SETBP1: variants seen among roughly 807,000 people sequenced by gnomAD.
SETBP1 encodes SET-binding protein.
SETBP1 carries 9 observed loss-of-function variants against 101.0 expected under a neutral mutation model. The observed-to-expected ratio is 0.09, with a 90% confidence interval of 0.05 to 0.16. SETBP1 has a LOEUF of 0.16. SETBP1 is among the 10% of genes least tolerant of loss of function. SETBP1 has a pLI of 1.00. For synonymous variants in SETBP1, 818 were observed against 788.5 expected (o/e 1.04, Z -0.63); for missense variants, 1,858 against 2,033.8 (o/e 0.91, Z 1.66).
chr18:44,727,047 C>T (rs1470475851), intron 2 of SETBP1, among the ~76,000 whole-genome samples: 2 of 152,164 alleles, frequency 1.3e-5, no homozygotes, highest in South Asian at 2.1e-4. Flanking sequence ...AAACATGTTT[C>T]AGTTTTGCTG....
At chr18:44,969,852 C>G (rs567968786) in intron 4 of SETBP1, among the ~76,000 whole-genome samples, 1 of 152,314 alleles carries the variant, frequency 6.6e-6, no homozygotes, top group Admixed American at 6.5e-5. Context: ...TCCACCTACA[C>G]AACACTCCCC....
chr18:44,710,917 GGAA>G, intron 2 of SETBP1, among the ~76,000 whole-genome samples: 1 of 152,306 alleles, frequency 6.6e-6, no homozygotes, highest in Non-Finnish European at 1.5e-5. Flanking sequence ...AGTGGCCAGA[GGAA>G]GAGGCTGCCA....
chr18:44,787,860 C>CAAAAAAAAAAAAAAAAAAAAAAAAA, intron 2 of SETBP1, among the ~76,000 whole-genome samples: 3 of 9,220 alleles, frequency 3.3e-4, no homozygotes, highest in Admixed American at 2.4e-3. Flanking sequence ...GAGTCCGTCT[C>CAAAAAAAAAAAAAAAAAAAAAAAAA]AAAAAAAAAA....
In SETBP1 at chr18:44,701,542, G is replaced by A; in HGVS notation, c.196G>A (p.Gly66Arg). 6.2e-7 allele frequency: 1 copy of A among 1,614,188 alleles called. No homozygotes were observed. Among genetic ancestry groups the A allele is most frequent in the Non-Finnish European group, 8.5e-7 (1 of 1,180,014 alleles). Reference protein sequence around the residue: ...EPEEEDELGSGRDVDSNSNAD... With the variant: ...EPEEEDELGSRRDVDSNSNAD... Reference sequence around the variant, plus strand: ...AGAGGAGGAGGATGAACTAGGCTCAGGGCGGGATGTGGATTCCAACTCCAA... The same window carrying A: ...AGAGGAGGAGGATGAACTAGGCTCAAGGCGGGATGTGGATTCCAACTCCAA... The change falls in exon 2 of 6, where the codon GGG becomes AGG. Residue 66 changes from glycine to arginine, a missense_variant. Transcript: ENST00000649279.
intron 2 of SETBP1, among the ~76,000 whole-genome samples, chr18:44,705,100 T>C (rs1342398023): frequency 6.6e-6 from 1 of 152,234 alleles, no homozygotes; most frequent in Non-Finnish European, 1.5e-5. Flanking sequence ...AACTGTAGCC[T>C]GTGGGCCAAA....
chr18:44,683,298 A>T (rs2068788777), intron 1 of SETBP1, among the ~76,000 whole-genome samples: 1 of 152,208 alleles, frequency 6.6e-6, no homozygotes, highest in African/African-American at 2.4e-5. Flanking sequence ...GCTTCTGGTC[A>T]TGGACTTGCC....
chr18:44,900,012 C>G (rs991046605), intron 3 of SETBP1, among the ~76,000 whole-genome samples: 1 of 152,118 alleles, frequency 6.6e-6, no homozygotes, highest in African/African-American at 2.4e-5. Flanking sequence ...AGTCATAGAT[C>G]ATGCAATAAT....
chr18:44,789,249 G>T (rs775142958), intron 2 of SETBP1, among the ~76,000 whole-genome samples: 2 of 152,164 alleles, frequency 1.3e-5, no homozygotes, highest in African/African-American at 2.4e-5. Context: ...AAATAGCTTT[G>T]TGACCTGAGA....
At chr18:44,720,613 A>G (rs967519278) in intron 2 of SETBP1, among the ~76,000 whole-genome samples, 1 of 152,134 alleles carries the variant, frequency 6.6e-6, no homozygotes, top group African/African-American at 2.4e-5. Flanking sequence ...AGGCCCACGC[A>G]TGGTGCTTAT....
chr18:44,923,922 T>G (rs1221885906), intron 3 of SETBP1, among the ~76,000 whole-genome samples: 6 of 152,084 alleles, frequency 3.9e-5, no homozygotes, highest in Admixed American at 6.6e-5. Flanking sequence ...TGAGCCAGCA[T>G]GGTGGTTGCT....
intron 2 of SETBP1, among the ~76,000 whole-genome samples, chr18:44,826,592 A>C (rs2072244082): frequency 6.6e-6 from 1 of 152,114 alleles, no homozygotes; most frequent in South Asian, 2.1e-4. Flanking sequence ...GAGAGCTAGC[A>C]AGAGCAGGGA....
intron 3 of SETBP1, among the ~76,000 whole-genome samples, chr18:44,899,637 G>A (rs1440812030): frequency 6.6e-6 from 1 of 152,072 alleles, no homozygotes; most frequent in Non-Finnish European, 1.5e-5. Context: ...CTTGGTTTTT[G>A]CTATCTGAAA....
intron 2 of SETBP1, among the ~76,000 whole-genome samples, chr18:44,825,389 A>C (rs545245445): frequency 2.3e-4 from 35 of 152,368 alleles, no homozygotes; most frequent in Non-Finnish European, 4.0e-4. Context: ...AACCGAGAGC[A>C]CAGGTTTATC....
At chr18:44,785,675 A>G (rs2071225548) in intron 2 of SETBP1, among the ~76,000 whole-genome samples, 2 of 152,178 alleles carry the variant, frequency 1.3e-5, no homozygotes, top group South Asian at 4.1e-4. Flanking sequence ...CCATTGTTCC[A>G]TCTCCTTGCT....
intron 3 of SETBP1, among the ~76,000 whole-genome samples, chr18:44,943,430 G>A (rs2071129329): frequency 1.3e-5 from 2 of 152,200 alleles, no homozygotes; most frequent in Admixed American, 1.3e-4. Context: ...AACATCTCTT[G>A]ATAATATCAG....
chr18:44,818,681 C>T (rs977157933), intron 2 of SETBP1, among the ~76,000 whole-genome samples: 1 of 151,976 alleles, frequency 6.6e-6, no homozygotes, highest in South Asian at 2.1e-4. Flanking sequence ...ATTTGTGATA[C>T]TTATCTTCAC....
At position 45,007,539 on chromosome 18, in the gene SETBP1, G is replaced by A. The variant is rs541002644; in HGVS notation, c.4001-30946G>A. On this transcript the variant is annotated intron_variant, in intron 4 of 5. Coordinates refer to ENST00000649279, the MANE Select transcript of SETBP1 (RefSeq NM_015559.3). ...ATGTACCTTGCCTACCATCTTCCAT[G>A]ATGTACCCACATAAATCCTCTGCAC... 5.9e-5 allele frequency among the ~76,000 whole-genome samples: 9 copies of A among 151,684 alleles called. No homozygotes were observed. The South Asian group carries it at 1.7e-3, about 28-fold the overall frequency.
intron 2 of SETBP1, among the ~76,000 whole-genome samples, chr18:44,845,054 G>A (rs2144550104): frequency 6.6e-6 from 1 of 152,276 alleles, no homozygotes; most frequent in Admixed American, 6.5e-5. Flanking sequence ...TGTTTTGAGT[G>A]ACACAAAAGA....
intron 2 of SETBP1, among the ~76,000 whole-genome samples, chr18:44,722,618 C>T (rs772917645): frequency 1.1e-4 from 17 of 152,300 alleles, no homozygotes; most frequent in Non-Finnish European, 1.8e-4. Flanking sequence ...GCATGGCCAC[C>T]ATGATTTCTG....
Sources: allele counts gnomAD v4.1 joint callset (sites outside exome capture counted in the v4.1 genomes callset), GRCh38; gene constraint gnomAD v4.1.1; transcripts MANE v1.5; gene names NCBI Gene and HGNC (gene_info 2026-07-23, HGNC 2026-07-21).